GRIK1: variants seen among roughly 807,000 people sequenced by gnomAD.
GRIK1 encodes glutamate ionotropic receptor kainate type subunit 1.
In GRIK1, 69 loss-of-function variants were observed where a neutral mutation model predicts 105.7. The ratio of observed to expected loss-of-function variants is 0.65; its 90% CI spans 0.54 to 0.80. The LOEUF (loss-of-function observed/expected upper bound fraction) is 0.80, where lower values mean the gene tolerates loss of function less well. Among genes scored for constraint, GRIK1 ranks in the 30% least tolerant of loss-of-function variants. The probability of loss-of-function intolerance (pLI) is 0.00; values close to 1 mark genes in which losing one functional copy is unlikely to be tolerated. For synonymous variants in GRIK1, 438 were observed against 431.3 expected (o/e 1.02, Z -0.19); for missense variants, 1,109 against 1,167.3 (o/e 0.95, Z 0.73).
chr21:29,869,058 A>G (rs991938314), intron 1 of GRIK1, among the ~76,000 whole-genome samples: 4 of 152,218 alleles, frequency 2.6e-5, no homozygotes, highest in African/African-American at 9.6e-5. Context: ...TCCCCCAGAA[A>G]TCACCTTTCA....
At chr21:29,796,989 A>G (rs926099846) in intron 1 of GRIK1, among the ~76,000 whole-genome samples, 4 of 151,568 alleles carry the variant, frequency 2.6e-5, no homozygotes, top group Admixed American at 2.6e-4. Context: ...AAAAAAAAAG[A>G]AAAACCCACA....
intron 1 of GRIK1, among the ~76,000 whole-genome samples, chr21:29,781,787 C>G (rs926931916): frequency 5.6e-5 from 8 of 143,688 alleles, no homozygotes; most frequent in South Asian, 2.4e-4. Context: ...TCTCCTGCCT[C>G]AGCCTCCCCA....
At chr21:29,559,042 T>A (rs1038258483) in intron 15 of GRIK1, among the ~76,000 whole-genome samples, 2 of 151,820 alleles carry the variant, frequency 1.3e-5, no homozygotes, top group Admixed American at 6.6e-5. Flanking sequence ...CAAAAAGGGG[T>A]GTTGAAATGT....
intron 1 of GRIK1, among the ~76,000 whole-genome samples, chr21:29,844,612 T>C (rs2068067604): frequency 6.6e-6 from 1 of 152,178 alleles, no homozygotes; most frequent in Middle Eastern, 3.2e-3. Context: ...ATTAGACACA[T>C]TATGGATTTT....
intron 1 of GRIK1, among the ~76,000 whole-genome samples, chr21:29,866,128 ACAAT>A (rs1365534479): frequency 2.6e-5 from 4 of 152,058 alleles, no homozygotes; most frequent in African/African-American, 9.7e-5. Context: ...ATTCAGTGGC[ACAAT>A]CACTTTTCAC....
At chr21:29,541,924 C>T (rs1011026619) in intron 16 of GRIK1, among the ~76,000 whole-genome samples, 7 of 151,878 alleles carry the variant, frequency 4.6e-5, no homozygotes, top group Non-Finnish European at 4.4e-5. Context: ...AATAAATGAA[C>T]CTTTATAATA....
At chr21:29,898,047 T>G (rs1467832300) in intron 1 of GRIK1, among the ~76,000 whole-genome samples, 1 of 152,212 alleles carries the variant, frequency 6.6e-6, no homozygotes, top group African/African-American at 2.4e-5. Flanking sequence ...TTTCATGTCT[T>G]TAGCTTCTTC....
At chr21:29,740,816 G>A (rs1200667065) in intron 1 of GRIK1, among the ~76,000 whole-genome samples, 6 of 152,182 alleles carry the variant, frequency 3.9e-5, no homozygotes, top group Admixed American at 1.3e-4. Flanking sequence ...CATTATACCC[G>A]TGACAAGGCA....
intron 12 of GRIK1, among the ~76,000 whole-genome samples, chr21:29,586,351 G>C (rs1396734192): frequency 2.6e-5 from 4 of 152,132 alleles, no homozygotes; most frequent in African/African-American, 9.7e-5. Context: ...TTTCCAGCCT[G>C]TGTTATTTTC....
chr21:29,538,213 T>C (rs1333143855), intron 16 of GRIK1, among the ~76,000 whole-genome samples: 1 of 152,190 alleles, frequency 6.6e-6, no homozygotes, highest in Non-Finnish European at 1.5e-5. Context: ...AAATTCCTGC[T>C]CAGAGAAATT....
intron 6 of GRIK1, among the ~76,000 whole-genome samples, chr21:29,649,680 A>C (rs987688988): frequency 2.6e-5 from 4 of 152,260 alleles, no homozygotes; most frequent in African/African-American, 9.6e-5. Context: ...TTGTCAGCTC[A>C]GTATAATTGA....
chr21:29,704,173 T>C (rs1470728425), intron 1 of GRIK1, among the ~76,000 whole-genome samples: 1 of 152,218 alleles, frequency 6.6e-6, no homozygotes, highest in East Asian at 1.9e-4. Flanking sequence ...TCTAAGACTA[T>C]GCTAGGAGGA....
At chr21:29,658,875 C>T (rs1161708872) in intron 4 of GRIK1, among the ~76,000 whole-genome samples, 1 of 152,212 alleles carries the variant, frequency 6.6e-6, no homozygotes, top group Non-Finnish European at 1.5e-5. Flanking sequence ...CCAGAGATCT[C>T]AGTTCCCTAA....
At position 29,683,171 on chromosome 21, in the gene GRIK1, A is replaced by C. The variant is rs574170223; in HGVS notation, c.544+6557T>G. On this transcript the variant is annotated intron_variant, in intron 3 of 17. Coordinates refer to ENST00000327783, the MANE Select transcript of GRIK1 (RefSeq NM_001330994.2). Reference sequence around the variant, plus strand: ...TGTGGTGAAAAGGGAACACTTATACACTGTTGGTGGGAGTTTAAATTAGTT... The same window carrying C: ...TGTGGTGAAAAGGGAACACTTATACCCTGTTGGTGGGAGTTTAAATTAGTT... 9.8e-5 allele frequency among the ~76,000 whole-genome samples: 15 copies of C among 152,296 alleles called. 1 individual carries two copies. In the South Asian group the frequency reaches 3.1e-3, roughly 32 times the overall value.
chr21:29,921,094 G>A (rs1437828559), intron 1 of GRIK1, among the ~76,000 whole-genome samples: 1 of 152,002 alleles, frequency 6.6e-6, no homozygotes, highest in East Asian at 1.9e-4. Flanking sequence ...TGCATTGTAT[G>A]ATGTCTAGTA....
At chr21:29,854,377 A>G (rs1195289756) in intron 1 of GRIK1, among the ~76,000 whole-genome samples, 1 of 152,116 alleles carries the variant, frequency 6.6e-6, no homozygotes, top group African/African-American at 2.4e-5. Context: ...TTGGGATCAG[A>G]CTTCAACATG....
At chr21:29,599,005 TATA>T in intron 7 of GRIK1, 68 bp from the exon 8 acceptor site, 1 of 724,806 alleles carries the variant, frequency 1.4e-6, no homozygotes. Context: ...CCATCAAAAT[TATA>T]ATACCTCAAA....
In GRIK1 at chr21:29,649,651, T is replaced by G. The variant is rs561371235; in HGVS notation, c.954+1467A>C. Among the ~76,000 whole-genome samples, 21 of 152,354 alleles carry G rather than the reference T, an allele frequency of 1.4e-4. 1 individual carries two copies. The highest frequency in any genetic ancestry group is 4.8e-4 in the African/African-American group (20 of 41,584). On this transcript the variant is annotated intron_variant, in intron 6 of 17. Transcript: ENST00000327783. ...TGTTCAACGATCTTCCTCATTTCAG[T>G]CAATATGTACAAACTGTTTTGTCAG...
At chr21:29,819,099 G>A (rs1395894441) in intron 1 of GRIK1, among the ~76,000 whole-genome samples, 2 of 151,994 alleles carry the variant, frequency 1.3e-5, no homozygotes, top group African/African-American at 4.8e-5. Context: ...GATTTATATG[G>A]CAAGCTATGC....
Sources: gnomAD v4.1 joint callset for allele counts (sites outside exome capture counted in the v4.1 genomes callset) on GRCh38, gnomAD v4.1.1 for gene constraint, MANE v1.5 for transcripts, NCBI Gene and HGNC (gene_info 2026-07-23, HGNC 2026-07-21) for gene names.